ASB18: variants seen among roughly 807,000 people sequenced by gnomAD.
The protein encoded by ASB18 is ankyrin repeat and SOCS box containing 18.
A neutral mutation model predicts 33.4 loss-of-function variants in ASB18; 33 were observed. That is an observed-to-expected ratio of 0.99 (90% confidence interval 0.75 to 1.32). ASB18 has a LOEUF of 1.32. Ranked by LOEUF, ASB18 falls within the 40% of genes most tolerant of loss-of-function variation. ASB18 has a pLI of 0.00. For synonymous variants in ASB18, 295 were observed against 307.6 expected (o/e 0.96, Z 0.43); for missense variants, 694 against 655.5 (o/e 1.06, Z -0.64).
intron 3 of ASB18, among the ~76,000 whole-genome samples, chr2:236,236,421 G>A (rs1284152209): frequency 6.6e-6 from 1 of 152,154 alleles, no homozygotes; most frequent in Non-Finnish European, 1.5e-5. Flanking sequence ...GCCACAGGGG[G>A]AATGATAAAT....
chr2:236,198,565 A>C (rs1252141523), intron 4 of ASB18, among the ~76,000 whole-genome samples: 1 of 152,050 alleles, frequency 6.6e-6, no homozygotes, highest in Non-Finnish European at 1.5e-5. Flanking sequence ...ACAGAGTTTC[A>C]CCATGTTGGC....
chr2:236,241,566 T>C lies in ASB18; in HGVS notation c.206-164A>G. The C allele has an allele frequency of 1.3e-6, 1 of 794,634 alleles. No homozygotes were observed. Among genetic ancestry groups the C allele is most frequent in the Non-Finnish European group, 2.1e-6 (1 of 469,364 alleles). 49.2% of individuals were successfully genotyped at this position (794,634 alleles called of 1,614,324 possible). ...AAGAGTTCTTCAGGAACGGGAAAGA[T>C]GGTCTTATGGAGTGTGAGCTATTTC... On this transcript the variant is annotated intron_variant, in intron 1 of 5. Transcript: ENST00000409749. This position sits in a 1 kb window ranked among gnomAD's most constrained non-coding sequence, Gnocchi z 4.2.
intron 1 of ASB18, among the ~76,000 whole-genome samples, chr2:236,258,950 A>G (rs1244989199): frequency 6.6e-6 from 1 of 152,196 alleles, no homozygotes; most frequent in Non-Finnish European, 1.5e-5. Context: ...TGGAATGCTG[A>G]CATCCTTAAT....
At position 236,253,069 on chromosome 2, in the gene ASB18, T is replaced by G. The variant is rs1237316200; in HGVS notation, c.205+11072A>C. The stretch of plus-strand genomic sequence containing the variant: ...GTGGCGTCAAGGATCCCCACCGTCC[T>G]CGCCAGCCTGGCTTTCTAGATGTTG... On this transcript the variant is annotated intron_variant, in intron 1 of 5. Transcript: ENST00000409749. The surrounding 1 kb of genome is among the most constrained non-coding windows in gnomAD (Gnocchi z 5.4). Among the ~76,000 whole-genome samples the G allele has an allele frequency of 6.6e-6, 1 of 152,154 alleles. No homozygotes were observed.
chr2:236,261,211 C>T (rs1050478529), intron 1 of ASB18, among the ~76,000 whole-genome samples: 19 of 152,292 alleles, frequency 1.2e-4, no homozygotes, highest in African/African-American at 4.6e-4. Context: ...GGTGGTGTGA[C>T]ATGTGCAAGG....
At chr2:236,258,368 C>T (rs1156776105) in intron 1 of ASB18, among the ~76,000 whole-genome samples, 1 of 152,190 alleles carries the variant, frequency 6.6e-6, no homozygotes, top group East Asian at 1.9e-4. Flanking sequence ...AATTAAGGTT[C>T]AAAGAGGTGG....
At chr2:236,218,573 C>T (rs1027435529) in intron 3 of ASB18, among the ~76,000 whole-genome samples, 4 of 151,978 alleles carry the variant, frequency 2.6e-5, no homozygotes, top group African/African-American at 7.3e-5. Context: ...CCAAGGCCGG[C>T]GGATTGCGAG....
chr2:236,210,663 G>A (rs2060455314), intron 4 of ASB18: 1 of 152,330 alleles, frequency 6.6e-6, no homozygotes, highest in South Asian at 2.1e-4. Flanking sequence ...AGGGTAGGAG[G>A]GGCTGGAATG....
rs1361175245 is a variant in ASB18 at position 236,234,125 on chromosome 2, A to G, written c.596+3564T>C. ...CACCTTGGTGACCCTGCACATATCCACATAGGCCACAAAGCAAAACTGGAA... is the reference window on the plus strand; with the variant it reads ...CACCTTGGTGACCCTGCACATATCCGCATAGGCCACAAAGCAAAACTGGAA... On this transcript the variant is annotated intron_variant, in intron 3 of 5. Coordinates refer to ENST00000409749, the MANE Select transcript of ASB18 (RefSeq NM_212556.4). This position sits in a 1 kb window ranked among gnomAD's most constrained non-coding sequence, Gnocchi z 4.1. Among the ~76,000 whole-genome samples the G allele has an allele frequency of 6.6e-6, 1 of 152,242 alleles. No homozygotes were observed. Among genetic ancestry groups the G allele is most frequent in the Non-Finnish European group, 1.5e-5 (1 of 68,030 alleles).
intron 3 of ASB18, among the ~76,000 whole-genome samples, chr2:236,218,813 A>G (rs939619893): frequency 2.3e-4 from 35 of 150,630 alleles, no homozygotes; most frequent in African/African-American, 5.4e-4. Context: ...AAAAAAAAAA[A>G]AAAGAAAAAG....
At position 236,194,752 on chromosome 2, in the gene ASB18, G is replaced by A. The variant is rs554685449; in HGVS notation, c.*120C>T. The A allele has an allele frequency of 1.9e-5, 16 of 856,260 alleles. No homozygotes were observed. The highest frequency in any genetic ancestry group is 7.8e-5 in the South Asian group (4 of 50,956). The allele number at this position is 856,260 out of a possible 1,614,324, so 53.0% of individuals were successfully genotyped here. On this transcript the variant is annotated 3_prime_UTR_variant, in exon 6 of 6. Transcript: ENST00000409749. The surrounding 1 kb of genome is among the most constrained non-coding windows in gnomAD (Gnocchi z 4.5). ...AGGTCTGTGCTTCACCCGGTCCCAC[G>A]GAGAGCAAGTGGGAAGGGAACTCCC...
rs2060554862 is a variant in ASB18 at position 236,229,370 on chromosome 2, T to C, written c.596+8319A>G. ...CTGAGCAAAATGAACAGAGCATCAG[T>C]GAACTGTGGAACAATCTTAAGTGGC... On this transcript the variant is annotated intron_variant, in intron 3 of 5. Transcript: ENST00000409749. The surrounding 1 kb of genome is among the most constrained non-coding windows in gnomAD (Gnocchi z 5.2). Among the ~76,000 whole-genome samples, 1 of 152,072 alleles carries C rather than the reference T, an allele frequency of 6.6e-6. No homozygotes were observed. Among genetic ancestry groups the C allele is most frequent in the Non-Finnish European group, 1.5e-5 (1 of 67,996 alleles).
chr2:236,211,324 G>A lies in ASB18; in HGVS notation c.1101+3038C>T, dbSNP rs2060457588. Among the ~76,000 whole-genome samples, 1 of 152,224 alleles carries A rather than the reference G, an allele frequency of 6.6e-6. No homozygotes were observed. ...GCGGTCAGCCAGGCAGAAAGGCCTGGCACTGTCAACACGTGGGCTTCCGAA... is the reference window on the plus strand; with the variant it reads ...GCGGTCAGCCAGGCAGAAAGGCCTGACACTGTCAACACGTGGGCTTCCGAA... On this transcript the variant is annotated intron_variant, in intron 4 of 5. Coordinates refer to ENST00000409749, the MANE Select transcript of ASB18 (RefSeq NM_212556.4). The surrounding 1 kb of genome is among the most constrained non-coding windows in gnomAD (Gnocchi z 5.0).
In ASB18 at chr2:236,196,472, C is replaced by T. The variant is rs1576391639; in HGVS notation, c.1102-87G>A. On this transcript the variant is annotated intron_variant, in intron 4 of 5. Coordinates refer to ENST00000409749, the MANE Select transcript of ASB18 (RefSeq NM_212556.4). This position sits in a 1 kb window ranked among gnomAD's most constrained non-coding sequence, Gnocchi z 5.6. The stretch of plus-strand genomic sequence containing the variant: ...AGGGTGGGGGGTGTGGGGGGATGCT[C>T]TCCCTAGCTGTGTGACCTCCCTACG... 5.9e-5 allele frequency: 43 copies of T among 724,514 alleles called. No individual in the cohort carries two copies. The East Asian group carries it at 1.1e-3, about 18-fold the overall frequency. The allele number at this position is 724,514 out of a possible 1,614,324, so 44.9% of individuals were successfully genotyped here.
At chr2:236,198,885 T>A (rs1410271413) in intron 4 of ASB18, among the ~76,000 whole-genome samples, 1 of 152,200 alleles carries the variant, frequency 6.6e-6, no homozygotes, top group African/African-American at 2.4e-5. Flanking sequence ...CTTATTACAC[T>A]GGCTAGAGCT....
chr2:236,241,750 G>A lies in ASB18; in HGVS notation c.206-348C>T, dbSNP rs1226948605. Reference sequence around the variant, plus strand: ...CCACCCTCTTTGTGATGATACAGATGCTAACTCTGGAGACAGACACATCTG... The same window carrying A: ...CCACCCTCTTTGTGATGATACAGATACTAACTCTGGAGACAGACACATCTG... On this transcript the variant is annotated intron_variant, in intron 1 of 5. Coordinates refer to ENST00000409749, the MANE Select transcript of ASB18 (RefSeq NM_212556.4). This position sits in a 1 kb window ranked among gnomAD's most constrained non-coding sequence, Gnocchi z 4.2. 6.6e-6 allele frequency among the ~76,000 whole-genome samples: 1 copy of A among 152,162 alleles called. No individual in the cohort carries two copies. The highest frequency in any genetic ancestry group is 1.5e-5 in the Non-Finnish European group (1 of 68,038).
rs1255988994 is a variant in ASB18, at chr2:236,248,091, A to G, written c.206-6689T>C. On this transcript the variant is annotated intron_variant, in intron 1 of 5. Transcript: ENST00000409749. This position sits in a 1 kb window ranked among gnomAD's most constrained non-coding sequence, Gnocchi z 4.9. ...CATGACAGCCTCTTGGAAAAGATGG[A>G]AACAGTGCGAGTCTTTCTTTAGGAA... is the stretch of plus-strand genomic sequence containing the variant. 2 of 152,202 alleles carry G rather than the reference A, an allele frequency of 1.3e-5. No individual in the cohort carries two copies. Among genetic ancestry groups the G allele is most frequent in the Non-Finnish European group, 2.9e-5 (2 of 68,044 alleles). 9.4% of individuals were successfully genotyped at this position (152,202 alleles called of 1,614,324 possible). A position where few individuals can be genotyped will look rare whatever the true frequency, so the allele number is the denominator to read the frequency against.
In ASB18 at chr2:236,196,097, T is replaced by C. The variant is rs1296965945; in HGVS notation, c.1215+175A>G. 4.7e-5 allele frequency: 30 copies of C among 643,450 alleles called. No individual in the cohort carries two copies. The highest frequency in any genetic ancestry group is 4.3e-5 in the Non-Finnish European group (15 of 346,580). 39.9% of individuals were successfully genotyped at this position (643,450 alleles called of 1,614,324 possible). ...CTACTATAACAAGCTCCTGGCTGTG[T>C]GATTATGGAGCCTCCAGAAAAAACC... On this transcript the variant is annotated intron_variant, in intron 5 of 5. Transcript: ENST00000409749. The surrounding 1 kb of genome is among the most constrained non-coding windows in gnomAD (Gnocchi z 5.6).
intron 4 of ASB18, among the ~76,000 whole-genome samples, chr2:236,207,234 A>G (rs2060438777): frequency 6.6e-6 from 1 of 152,088 alleles, no homozygotes; most frequent in Non-Finnish European, 1.5e-5. Flanking sequence ...CACGGATTTG[A>G]TTCTTTCTTT....
Sources: gnomAD v4.1 joint callset for allele counts (sites outside exome capture counted in the v4.1 genomes callset) on GRCh38, gnomAD v4.1.1 for gene constraint, Gnocchi (gnomAD v3.1) non-coding constraint, MANE v1.5 for transcripts, NCBI Gene and HGNC (gene_info 2026-07-23, HGNC 2026-07-21) for gene names.